EHHADH: variants seen among roughly 807,000 people sequenced by gnomAD.
EHHADH encodes the protein peroxisomal bifunctional enzyme.
EHHADH carries 48 observed loss-of-function variants against 64.4 expected under a neutral mutation model. That is an observed-to-expected ratio of 0.75 (90% CI 0.59 to 0.95). EHHADH has a LOEUF of 0.95. EHHADH is among the 40% of genes least tolerant of loss of function. The probability of loss-of-function intolerance (pLI) is 0.00; values close to 1 mark genes in which losing one functional copy is unlikely to be tolerated. For synonymous variants in EHHADH, 308 were observed against 326.7 expected (o/e 0.94, Z 0.62); for missense variants, 854 against 876.6 (o/e 0.97, Z 0.33).
At chr3:185,211,535 G>A (rs1718540684) in intron 5 of EHHADH, among the ~76,000 whole-genome samples, 1 of 152,140 alleles carries the variant, frequency 6.6e-6, no homozygotes, top group African/African-American at 2.4e-5. Context: ...CACGGAAATC[G>A]TGAACACAGA....
At chr3:185,205,651 C>T (rs1718367918) in intron 5 of EHHADH, among the ~76,000 whole-genome samples, 1 of 151,950 alleles carries the variant, frequency 6.6e-6, no homozygotes, top group South Asian at 2.1e-4. Flanking sequence ...ACAGAAAATC[C>T]ATATGGAAAT....
chr3:185,238,510 GT>G (rs1719360671), intron 2 of EHHADH, among the ~76,000 whole-genome samples: 1 of 152,110 alleles, frequency 6.6e-6, no homozygotes, highest in Non-Finnish European at 1.5e-5. Context: ...GATTAGTGAT[GT>G]TGAGAATTTT....
chr3:185,192,621 C>G lies in EHHADH; in HGVS notation c.1777G>C (p.Asp593His). The change falls in exon 7 of 7, where the codon GAT becomes CAT. Residue 593 changes from aspartate (D) to histidine (H), a missense_variant. By Grantham distance (81) the Asp-to-His change is moderately conservative (BLOSUM62 -1). Coordinates refer to ENST00000231887, the MANE Select transcript of EHHADH (RefSeq NM_001966.4). Reference protein sequence around the residue: ...DKPLGRIHKPDPWLSKFLSRY... With the variant: ...DKPLGRIHKPHPWLSKFLSRY... ...GATAGGAATTTGGAAAGCCAGGGAT[C>G]AGGTTTGTGAATCCTACCCAATGGC... The G allele has an allele frequency of 6.2e-7, 1 of 1,614,204 alleles. No individual in the cohort carries two copies. The highest frequency in any genetic ancestry group is 8.5e-7 in the Non-Finnish European group (1 of 1,180,052).
chr3:185,210,607 C>A (rs1718514192), intron 5 of EHHADH, among the ~76,000 whole-genome samples: 1 of 150,304 alleles, frequency 6.7e-6, no homozygotes, highest in South Asian at 2.1e-4. Flanking sequence ...TGCACTCCAG[C>A]CTGGGCGACA....
At chr3:185,218,046 T>C (rs1301084672) in intron 5 of EHHADH, 90 bp downstream of exon 5, 6 of 892,100 alleles carry the variant, frequency 6.7e-6, no homozygotes, top group Non-Finnish European at 1.0e-5. Context: ...ATTACAGGCG[T>C]GAGCCACTGC....
chr3:185,191,794 A>G lies in EHHADH; in HGVS notation c.*432T>C, dbSNP rs1044250833. 2 of 164,186 alleles carry G rather than the reference A, an allele frequency of 1.2e-5. No individual in the cohort carries two copies. The highest frequency in any genetic ancestry group is 4.8e-5 in the African/African-American group (2 of 41,590). The allele number at this position is 164,186 out of a possible 1,614,324, so 10.2% of individuals were successfully genotyped here. ...AATTTCCAACTGTCTTTTTCCTACA[A>G]CTTTAATGTTTGTTGAGTGTATGTA... is the stretch of plus-strand genomic sequence containing the variant. On this transcript the variant is annotated 3_prime_UTR_variant, in exon 7 of 7. Transcript: ENST00000231887.
chr3:185,208,845 A>G (rs891380810), intron 5 of EHHADH, among the ~76,000 whole-genome samples: 19 of 152,228 alleles, frequency 1.2e-4, no homozygotes, highest in African/African-American at 4.6e-4. Context: ...CAGCAATAAA[A>G]AGGATCAAAC....
intron 5 of EHHADH, 30 bp from the exon 6 acceptor site, chr3:185,204,787 G>A (rs1190307270): frequency 6.5e-7 from 1 of 1,534,374 alleles, no homozygotes; most frequent in Non-Finnish European, 8.9e-7. Flanking sequence ...TCAGAGCTTT[G>A]GAAATGTTAC....
intron 5 of EHHADH, among the ~76,000 whole-genome samples, chr3:185,211,121 A>G (rs1417263286): frequency 6.6e-6 from 1 of 152,122 alleles, no homozygotes; most frequent in Non-Finnish European, 1.5e-5. Context: ...TTATCTTACA[A>G]CTTCAGTTAT....
At chr3:185,225,961 CCTTT>C (rs1373433519) in intron 4 of EHHADH, among the ~76,000 whole-genome samples, 3 of 152,128 alleles carry the variant, frequency 2.0e-5, no homozygotes, top group African/African-American at 7.2e-5. Flanking sequence ...TATATCTCTC[CCTTT>C]CTGTTTTGTG....
rs1718691648 is a variant in EHHADH at position 185,216,821 on chromosome 3, C to T, written c.568+1315G>A. Among the ~76,000 whole-genome samples, 1 of 149,620 alleles carries T rather than the reference C, an allele frequency of 6.7e-6. No individual in the cohort carries two copies. The highest frequency in any genetic ancestry group is 1.5e-5 in the Non-Finnish European group (1 of 67,808). On this transcript the variant is annotated intron_variant, in intron 5 of 6. Coordinates refer to ENST00000231887, the MANE Select transcript of EHHADH (RefSeq NM_001966.4). This position sits in a 1 kb window ranked among gnomAD's most constrained non-coding sequence, Gnocchi z 5.3. ...ACTCTGTTCTGCCTGTAACGCAATACTCTTCCCAATTATTTTTTTCTGGCT... is the reference window on the plus strand; with the variant it reads ...ACTCTGTTCTGCCTGTAACGCAATATTCTTCCCAATTATTTTTTTCTGGCT...
chr3:185,193,106 G>A lies in EHHADH; in HGVS notation c.1292C>T (p.Thr431Ile). ...STDRPHLVIG[T>I]HFFSPAHVMK... ...GACATGAGCTGGCGAAAAGAAGTGG[G>A]TGCCAATGACCAAGTGAGGACGATC... is the stretch of plus-strand genomic sequence containing the variant. The change falls in exon 7 of 7, where the codon ACC becomes ATC. Residue 431 changes from threonine (T) to isoleucine (I), a missense_variant. Transcript: ENST00000231887. 2 of 1,613,736 alleles carry A rather than the reference G, an allele frequency of 1.2e-6. No homozygotes were observed. Among genetic ancestry groups the A allele is most frequent in the Non-Finnish European group, 1.7e-6 (2 of 1,179,806 alleles).
At chr3:185,236,448 C>CAACCCACCCACTACCCCTGTCCATGG (rs1719299301) in intron 2 of EHHADH, among the ~76,000 whole-genome samples, 1 of 150,632 alleles carries the variant, frequency 6.6e-6, no homozygotes, top group African/African-American at 2.4e-5. Context: ...TCCCTGGTAC[C>CAACCCACCCACTACCCCTGTCCATGG]AAAAAGGTTG....
intron 4 of EHHADH, among the ~76,000 whole-genome samples, chr3:185,220,399 A>C (rs1055945132): frequency 8.5e-5 from 13 of 152,184 alleles, no homozygotes; most frequent in Non-Finnish European, 1.5e-4. Flanking sequence ...AATACTTTCC[A>C]TTGTGTTACA....
rs754941485 is a variant in EHHADH at position 185,204,670 on chromosome 3, T to C, written c.656A>G (p.Lys219Arg). The change falls in exon 6 of 7, where the codon AAG (lysine) becomes AGG (arginine). Residue 219 changes from lysine (K) to arginine (R), a missense_variant. Lys to Arg is a conservative substitution (Grantham distance 26). Coordinates refer to ENST00000231887, the MANE Select transcript of EHHADH (RefSeq NM_001966.4). ...ACACCCAGGGTGCTGCCTCCGCATC[T>C]TCAAGAGGGCCTCACTAAAAATGCT... is the stretch of plus-strand genomic sequence containing the variant. ...MDSIFSEALL[K>R]MRRQHPGCLA... The C allele has an allele frequency of 1.9e-6, 3 of 1,614,212 alleles. No individual in the cohort carries two copies. The South Asian group carries it at 3.3e-5, about 18-fold the overall frequency.
chr3:185,250,063 T>G lies in EHHADH; in HGVS notation c.75-1546A>C, dbSNP rs142839935. 9.0e-3 allele frequency among the ~76,000 whole-genome samples: 1,376 copies of G among 152,296 alleles called. 31 individuals carry two copies. Among genetic ancestry groups the G allele is most frequent in the African/African-American group, 0.031 (1,309 of 41,570 alleles). ...AGACAGAGAAAATAATTGAGGCCCC[T>G]GTTGATTGTGGAGCAGCTGTATCAT... On this transcript the variant is annotated intron_variant, in intron 1 of 6. Transcript: ENST00000231887.
Position 185,192,494 on chromosome 3 carries a change from A to G in EHHADH, c.1904T>C (p.Leu635Ser), listed in dbSNP as rs1357368269. Residue 635 changes from leucine to serine, a missense_variant, in exon 7 of 7, where the codon TTG becomes TCG. Coordinates refer to ENST00000231887, the MANE Select transcript of EHHADH (RefSeq NM_001966.4). ...YSLINEAFRILGEGIAASPEH... is the reference protein window; with the variant it reads ...YSLINEAFRISGEGIAASPEH... ...TGGGCTAGCAGCTATCCCTTCTCCC[A>G]AGATACGGAATGCTTCATTGATAAG... The G allele has an allele frequency of 1.2e-6, 2 of 1,614,208 alleles. No individual in the cohort carries two copies. The highest frequency in any genetic ancestry group is 1.7e-5 in the Admixed American group (1 of 60,022).
intron 5 of EHHADH, among the ~76,000 whole-genome samples, chr3:185,210,256 T>G (rs956335772): frequency 6.6e-6 from 1 of 152,194 alleles, no homozygotes; most frequent in Non-Finnish European, 1.5e-5. Flanking sequence ...TCAGATTTAT[T>G]TGAAGAGTTT....
At chr3:185,201,796 G>C (rs1450327336) in intron 6 of EHHADH, among the ~76,000 whole-genome samples, 1 of 152,102 alleles carries the variant, frequency 6.6e-6, no homozygotes, top group African/African-American at 2.4e-5. Flanking sequence ...AAACCTGAAG[G>C]CTTTTAAAGA....
Sources: gnomAD v4.1 joint callset for allele counts (sites outside exome capture counted in the v4.1 genomes callset) on GRCh38, gnomAD v4.1.1 for gene constraint, Gnocchi (gnomAD v3.1) non-coding constraint, MANE v1.5 for transcripts, NCBI Gene and HGNC (gene_info 2026-07-23, HGNC 2026-07-21) for gene names.